KCNC4: variants seen among roughly 807,000 people sequenced by gnomAD.
KCNC4 encodes the protein voltage-gated potassium channel KCNC4.
KCNC4 carries 23 observed loss-of-function variants against 42.8 expected under a neutral mutation model. That is an observed-to-expected ratio of 0.54 (90% CI 0.39 to 0.76). The LOEUF is 0.76. KCNC4 is among the 30% of genes least tolerant of loss of function. KCNC4 has a pLI of 0.00. For synonymous variants in KCNC4, 422 were observed against 393.5 expected (o/e 1.07, Z -0.86); for missense variants, 751 against 898.2 (o/e 0.84, Z 2.10).
At chr1:110,274,175 T>C (rs1269118749) in intron 1 of KCNC4, among the ~76,000 whole-genome samples, 1 of 152,130 alleles carries the variant, frequency 6.6e-6, no homozygotes, top group African/African-American at 2.4e-5. Context: ...CAAAAATCAG[T>C]AGCATTTCTA....
At chr1:110,272,999 A>G (rs1659661003) in intron 1 of KCNC4, among the ~76,000 whole-genome samples, 1 of 152,208 alleles carries the variant, frequency 6.6e-6, no homozygotes, top group Non-Finnish European at 1.5e-5. Context: ...TGTGGTGTCT[A>G]TGTAAATCTC....
chr1:110,246,745 T>G (rs1414244526), exon 4 of KCNC4: 2 of 141,878 alleles, frequency 1.4e-5, no homozygotes, highest in Non-Finnish European at 1.5e-5. Context: ...CTTTGTGAAG[T>G]CTTTTCTTTC....
At position 110,211,557 on chromosome 1, in the gene KCNC4, C is replaced by T. The variant is rs779357026; in HGVS notation, c.58C>T (p.Pro20Ser). ...CGGGCGCAAGTCGGGGAACAAGCCT[C>T]CGTCCAAAACATGTCTGAAGGAGGA... ...YRGRKSGNKP[P>S]SKTCLKEEMA... is the part of the protein sequence containing the mutation. Residue 20 changes from proline to serine, a missense_variant, in exon 1 of 4, where the codon CCG becomes TCG. Physicochemically the swap from Pro to Ser is moderately conservative, Grantham distance 74 (BLOSUM62 -1). Around this residue, in one of 4 missense-constraint regions of KCNC4, gnomAD observed 183 missense variants for 255.8 expected, o/e 0.72. Transcript: ENST00000438661. The surrounding 1 kb of genome is among the most constrained non-coding windows in gnomAD (Gnocchi z 6.5). The T allele has an allele frequency of 6.2e-7, 1 of 1,614,112 alleles. No homozygotes were observed. Among genetic ancestry groups the T allele is most frequent in the Non-Finnish European group, 8.5e-7 (1 of 1,179,998 alleles).
chr1:110,217,033 C>T (rs1657832427), intron 1 of KCNC4, among the ~76,000 whole-genome samples: 1 of 152,224 alleles, frequency 6.6e-6, no homozygotes, highest in African/African-American at 2.4e-5. Context: ...ATTCAGAAAA[C>T]ACTTACTGCG....
intron 2 of KCNC4, 159 bp from the exon 3 acceptor site, chr1:110,225,816 C>G: frequency 1.5e-6 from 1 of 657,596 alleles, no homozygotes; most frequent in Non-Finnish European, 2.6e-6. Flanking sequence ...TGCCTTTTGC[C>G]CTCTGCTCCC....
chr1:110,230,118 T>G (rs1184515484), intron 3 of KCNC4, among the ~76,000 whole-genome samples: 1 of 152,170 alleles, frequency 6.6e-6, no homozygotes, highest in Non-Finnish European at 1.5e-5. Flanking sequence ...GGCACCTCCC[T>G]CAGTCTTGGG....
At chr1:110,258,405 T>A (rs956565979) in intron 1 of KCNC4, among the ~76,000 whole-genome samples, 2 of 152,130 alleles carry the variant, frequency 1.3e-5, no homozygotes, top group African/African-American at 2.4e-5. Context: ...GCCCAGCTAA[T>A]CTTTGTACTT....
chr1:110,222,801 A>T (rs1658170336), intron 1 of KCNC4, 163 bp from the exon 2 acceptor site: 2 of 601,478 alleles, frequency 3.3e-6, no homozygotes, highest in Non-Finnish European at 5.9e-6. Flanking sequence ...ATATGGATAA[A>T]GACCCTCTGA....
chr1:110,264,461 C>T (rs1659504341), intron 1 of KCNC4, among the ~76,000 whole-genome samples: 1 of 152,156 alleles, frequency 6.6e-6, no homozygotes, highest in African/African-American at 2.4e-5. Flanking sequence ...GAAGAAAGAA[C>T]AGAGGTCAGA....
downstream of KCNC4, chr1:110,238,467 T>G (rs554287162): frequency 1.1e-4 from 17 of 152,354 alleles, no homozygotes; most frequent in Non-Finnish European, 1.5e-4. Flanking sequence ...CATCCACTTG[T>G]GTAGTTCCAG....
downstream of KCNC4, among the ~76,000 whole-genome samples, chr1:110,251,696 A>G (rs1659252955): frequency 3.9e-5 from 6 of 152,348 alleles, no homozygotes; most frequent in South Asian, 1.2e-3. Flanking sequence ...CTTGGTTATC[A>G]TGATTATTTT....
In KCNC4 at chr1:110,223,398, C is replaced by T. The variant is rs1468406539; in HGVS notation, c.1113C>T (p.Gly371=). The T allele has an allele frequency of 6.2e-7, 1 of 1,613,958 alleles. No individual in the cohort carries two copies. ...ACTTCGTGGGGCTACGCGTGCTGGG[C>T]CACACCCTGAGGGCCAGCACCAATG... ...TRHFVGLRVL[G]HTLRASTNEF... The change falls in exon 2 of 4, where the codon GGC becomes GGT. Residue 371 remains glycine, a synonymous_variant. Coordinates refer to ENST00000438661, the MANE Select transcript of KCNC4 (RefSeq NM_001039574.3). This position sits in a 1 kb window ranked among gnomAD's most constrained non-coding sequence, Gnocchi z 7.5.
At chr1:110,226,415 C>T (rs779180398) in intron 3 of KCNC4, 65 of 561,650 alleles carry the variant, frequency 1.2e-4, no homozygotes, top group Non-Finnish European at 1.6e-4. Flanking sequence ...GAAAGAGCAG[C>T]GCTAGAGGGT....
chr1:110,223,958 C>A lies in KCNC4; in HGVS notation c.1615+58C>A. 7.6e-7 allele frequency: 1 copy of A among 1,316,892 alleles called. No homozygotes were observed. The highest frequency in any genetic ancestry group is 1.1e-6 in the Non-Finnish European group (1 of 951,792). 81.6% of individuals were successfully genotyped at this position (1,316,892 alleles called of 1,614,324 possible). On this transcript the variant is annotated intron_variant, in intron 2 of 3. Transcript: ENST00000438661. The surrounding 1 kb of genome is among the most constrained non-coding windows in gnomAD (Gnocchi z 7.5). ...TTCCCCCAGTGGCCTAGGGAGTTTC[C>A]AAATGGACCTCAGACCTTGGGATTT... is the stretch of plus-strand genomic sequence containing the variant.
intron 1 of KCNC4, among the ~76,000 whole-genome samples, chr1:110,217,560 T>C (rs1282436459): frequency 1.3e-5 from 2 of 152,148 alleles, no homozygotes; most frequent in East Asian, 3.9e-4. Flanking sequence ...AGCGGGTTCT[T>C]GGATAGTGAT....
exon 4 of KCNC4, chr1:110,242,417 G>C (rs978514560): frequency 6.6e-6 from 1 of 152,248 alleles, no homozygotes; most frequent in African/African-American, 2.4e-5. Flanking sequence ...AGTGGACATA[G>C]AAAAAGAGGC....
rs1657486873 is a variant in KCNC4 at position 110,211,967 on chromosome 1, G to A, written c.468G>A (p.Glu156=). 1 of 1,611,000 alleles carries A rather than the reference G, an allele frequency of 6.2e-7. No homozygotes were observed. ...ACCGGCAGCACCGCGACGCCGAGGA[G>A]GCGCTCGACATCTTCGAGAGCCCGG... ...MTYRQHRDAE[E]ALDIFESPDG... Residue 156 remains glutamate, a synonymous_variant, in exon 1 of 4, where the codon GAG becomes GAA. Transcript: ENST00000438661. The surrounding 1 kb of genome is among the most constrained non-coding windows in gnomAD (Gnocchi z 6.5).
At chr1:110,235,400 G>A (rs140441295), downstream of KCNC4, 2 of 152,360 alleles carry the variant, frequency 1.3e-5, no homozygotes, top group Non-Finnish European at 2.9e-5. Context: ...GCGATAATGG[G>A]ACGGGATGCG....
Position 110,223,481 on chromosome 1 carries a change from T to C in KCNC4, c.1196T>C (p.Ile399Thr). Reference sequence around the variant, plus strand: ...GGTGTGCTCATCTTTGCCACCATGATCTACTACGCTGAGCGCATTGGGGCC... The same window carrying C: ...GGTGTGCTCATCTTTGCCACCATGACCTACTACGCTGAGCGCATTGGGGCC... Reference protein sequence around the residue: ...ALGVLIFATMIYYAERIGARP... With the variant: ...ALGVLIFATMTYYAERIGARP... The change falls in exon 2 of 4, where the codon ATC becomes ACC. Residue 399 changes from isoleucine to threonine, a missense_variant. Ile to Thr is a moderately conservative substitution (Grantham distance 89). Around this residue, in one of 4 missense-constraint regions of KCNC4, gnomAD observed 185 missense variants for 293.7 expected, o/e 0.63. Coordinates refer to ENST00000438661, the MANE Select transcript of KCNC4 (RefSeq NM_001039574.3). The surrounding 1 kb of genome is among the most constrained non-coding windows in gnomAD (Gnocchi z 7.5). The C allele has an allele frequency of 6.2e-7, 1 of 1,613,790 alleles. No homozygotes were observed. Among genetic ancestry groups the C allele is most frequent in the African/African-American group, 1.3e-5 (1 of 74,986 alleles).
Sources: allele counts gnomAD v4.1 joint callset (sites outside exome capture counted in the v4.1 genomes callset), GRCh38; gene constraint gnomAD v4.1.1; regional missense constraint gnomAD v4.1.1; non-coding constraint Gnocchi (gnomAD v3.1); transcripts MANE v1.5; gene names NCBI Gene and HGNC (gene_info 2026-07-23, HGNC 2026-07-21).